The following ZNF410 variants were observed in gnomAD, a reference collection of about 807,000 sequenced individuals.
The protein encoded by ZNF410 is zinc finger protein 410, also known as another partner for ARF 1.
In ZNF410, 18 loss-of-function variants were observed where a neutral mutation model predicts 54.8. The ratio of observed to expected loss-of-function variants is 0.33; its 90% CI spans 0.23 to 0.49. The LOEUF (loss-of-function observed/expected upper bound fraction) is 0.49, where lower values mean the gene tolerates loss of function less well. Among genes scored for constraint, ZNF410 ranks in the 20% least tolerant of loss-of-function variants. The probability of loss-of-function intolerance (pLI) is 0.99; values close to 1 mark genes in which losing one functional copy is unlikely to be tolerated. For synonymous variants in ZNF410, 191 were observed against 207.3 expected, an observed-to-expected ratio of 0.92 and a Z score of 0.68; for missense variants, 405 against 569.6, an observed-to-expected ratio of 0.71 and a Z score of 2.94.
chr14:73,909,445 G>C lies in ZNF410; in HGVS notation c.1003+15G>C. The C allele has an allele frequency of 1.2e-6, 2 of 1,605,880 alleles. No homozygotes were observed. Among genetic ancestry groups the C allele is most frequent in the Non-Finnish European group, 1.7e-6 (2 of 1,174,490 alleles). On this transcript the variant is annotated intron_variant, in intron 8 of 11. Coordinates refer to ENST00000555044, the MANE Select transcript of ZNF410 (RefSeq NM_021188.3). ...GGTTCACTCAGGTATCAGAACCTCT[G>C]CCATTCATAGATTTTAGGAAAAGTA...
chr14:73,909,611 G>GGC (rs778371867), intron 8 of ZNF410, 181 bp downstream of exon 8: 2 of 503,650 alleles, frequency 4.0e-6, no homozygotes, highest in Admixed American at 3.7e-5. Context: ...CAAGGTTGGG[G>GGC]GGGGGACATC....
chr14:73,917,718 G>C (rs1351724714), intron 8 of ZNF410, among the ~76,000 whole-genome samples: 1 of 152,106 alleles, frequency 6.6e-6, no homozygotes, highest in Non-Finnish European at 1.5e-5. Flanking sequence ...AACTACTCAG[G>C]AGGCTGAGGT....
chr14:73,919,868 CCT>C (rs1460585685), intron 8 of ZNF410, among the ~76,000 whole-genome samples: 5 of 138,368 alleles, frequency 3.6e-5, no homozygotes, highest in Non-Finnish European at 7.8e-5. Context: ...AATATTCCAC[CCT>C]GTTTCTATTG....
intron 8 of ZNF410, among the ~76,000 whole-genome samples, chr14:73,912,881 T>C (rs1758993089): frequency 6.6e-6 from 1 of 152,124 alleles, no homozygotes; most frequent in South Asian, 2.1e-4. Flanking sequence ...TTTTTTTTTT[T>C]TCTTCCAGCT....
chr14:73,916,151 G>A (rs917013397), intron 8 of ZNF410: 9 of 152,056 alleles, frequency 5.9e-5, no homozygotes, highest in Non-Finnish European at 1.3e-4. Context: ...AGATAGAGAA[G>A]GAGGGCGGGA....
At chr14:73,925,521 A>T (rs1239619769) in intron 11 of ZNF410, among the ~76,000 whole-genome samples, 1 of 151,624 alleles carries the variant, frequency 6.6e-6, no homozygotes, top group Non-Finnish European at 1.5e-5. Context: ...TCCGCCTCTC[A>T]GGTTCAAGCA....
intron 8 of ZNF410, among the ~76,000 whole-genome samples, chr14:73,917,019 A>T (rs749655454): frequency 2.6e-5 from 4 of 152,184 alleles, no homozygotes; most frequent in Non-Finnish European, 5.9e-5. Flanking sequence ...CTGTTTCTAG[A>T]ACTTTTCGGT....
chr14:73,930,789 CA>C (rs2055900326), intron 11 of ZNF410, among the ~76,000 whole-genome samples: 2 of 152,088 alleles, frequency 1.3e-5, no homozygotes, highest in African/African-American at 4.8e-5. Flanking sequence ...CTTGTAGAGA[CA>C]GGGCCTCACT....
At chr14:73,892,236 C>T in intron 2 of ZNF410, 28 bp downstream of exon 2, 3 of 1,610,100 alleles carry the variant, frequency 1.9e-6, no homozygotes, top group Non-Finnish European at 2.5e-6. Flanking sequence ...GTTTCCTTTT[C>T]TTTTGGTGGG....
intron 7 of ZNF410, among the ~76,000 whole-genome samples, chr14:73,905,968 CATATATAT>C (rs375039083): frequency 1.5e-3 from 118 of 78,732 alleles, no homozygotes; most frequent in Admixed American, 3.3e-3. Flanking sequence ...CACACACACA[CATATATAT>C]ATATATATAT....
intron 4 of ZNF410, among the ~76,000 whole-genome samples, chr14:73,896,905 TATC>T (rs1313120427): frequency 1.3e-5 from 2 of 152,172 alleles, no homozygotes; most frequent in Admixed American, 6.5e-5. Context: ...TTTTGGTGCT[TATC>T]AGCATTCAGG....
At chr14:73,931,347 T>TA (rs2055911547) in intron 11 of ZNF410, among the ~76,000 whole-genome samples, 156 bp from the exon 12 acceptor site, 2 of 152,210 alleles carry the variant, frequency 1.3e-5, no homozygotes, top group African/African-American at 4.8e-5. Context: ...CAGTGACATC[T>TA]ATCAGTCCGT....
chr14:73,911,382 T>G (rs115900208), intron 8 of ZNF410, among the ~76,000 whole-genome samples: 1 of 152,248 alleles, frequency 6.6e-6, no homozygotes, highest in African/African-American at 2.4e-5. Context: ...AAGTTACTTA[T>G]GAGGAAAGCA....
intron 8 of ZNF410, among the ~76,000 whole-genome samples, chr14:73,911,874 A>C (rs1264451171): frequency 6.6e-6 from 1 of 152,142 alleles, no homozygotes; most frequent in Admixed American, 6.5e-5. Context: ...TTTTTTTCAT[A>C]GAGTTGTTGC....
intron 8 of ZNF410, among the ~76,000 whole-genome samples, chr14:73,911,089 T>C (rs2055570855): frequency 2.0e-5 from 3 of 152,192 alleles, no homozygotes. Flanking sequence ...ATAAAAGGAT[T>C]GCTAAGTAAC....
chr14:73,904,240 C>A, intron 6 of ZNF410, 130 bp downstream of exon 6: 1 of 886,198 alleles, frequency 1.1e-6, no homozygotes, highest in Non-Finnish European at 1.6e-6. Flanking sequence ...GTTAAGATAT[C>A]TTTTTTTCTT....
chr14:73,910,304 G>T (rs1367657626), intron 8 of ZNF410, among the ~76,000 whole-genome samples: 1 of 152,200 alleles, frequency 6.6e-6, no homozygotes, highest in Non-Finnish European at 1.5e-5. Context: ...GTCTGGTCAA[G>T]AAGTCTGCTC....
intron 3 of ZNF410, chr14:73,895,408 C>CTTG (rs1385581817): frequency 6.6e-6 from 1 of 152,070 alleles, no homozygotes; most frequent in Non-Finnish European, 1.5e-5. Context: ...AGCAATCTCA[C>CTTG]TTGTAGGTAT....
Position 73,905,059 on chromosome 14 carries a change from A to C in ZNF410, c.889A>C (p.Lys297Gln). The C allele has an allele frequency of 6.2e-7, 1 of 1,613,508 alleles. No homozygotes were observed. Among genetic ancestry groups the C allele is most frequent in the South Asian group, 1.1e-5 (1 of 91,046 alleles). Residue 297 changes from lysine to glutamine, a missense_variant, in exon 7 of 12, where the codon AAG (lysine) becomes CAG (glutamine). Coordinates refer to ENST00000555044, the MANE Select transcript of ZNF410 (RefSeq NM_021188.3). ...GKQFTTAGNLKNHRRIHTGEK... is the reference protein window; with the variant it reads ...GKQFTTAGNLQNHRRIHTGEK... ...GCAGTTTACTACAGCTGGAAACCTG[A>C]AGAACCACCGGCGCATCCACACAGG...
Sources: allele counts gnomAD v4.1 joint callset (sites outside exome capture counted in the v4.1 genomes callset), GRCh38; gene constraint gnomAD v4.1.1; transcripts MANE v1.5; gene names NCBI Gene and HGNC (gene_info 2026-07-23, HGNC 2026-07-21).